Variants in MYO1H observed in about 807,000 individuals in gnomAD.
The protein encoded by MYO1H is myosin IH, also known as unconventional myosin-Ih.
A neutral mutation model predicts 149.3 loss-of-function variants in MYO1H; 118 were observed. The observed-to-expected ratio is 0.79, with a 90% CI of 0.68 to 0.92. The LOEUF (loss-of-function observed/expected upper bound fraction) is 0.92. MYO1H is among the 40% of genes least tolerant of loss of function. The pLI is 0.00. For missense variants in MYO1H, 1,212 were observed against 1,280.7 expected, an observed-to-expected ratio of 0.95 and a Z score of 0.82; for synonymous variants, 447 against 465.2, an observed-to-expected ratio of 0.96 and a Z score of 0.50.
intron 16 of MYO1H, among the ~76,000 whole-genome samples, chr12:109,421,696 G>A (rs1254690699): frequency 6.6e-6 from 1 of 152,150 alleles, no homozygotes; most frequent in East Asian, 1.9e-4. Context: ...GACCCAGACA[G>A]GTCACAGCTT....
chr12:109,441,065 GCCATCCAT>G (rs1316948084), intron 25 of MYO1H, among the ~76,000 whole-genome samples: 4 of 152,244 alleles, frequency 2.6e-5, no homozygotes, highest in African/African-American at 7.2e-5. Flanking sequence ...AACGGCTCCT[GCCATCCAT>G]CCACCGGAGC....
chr12:109,447,014 T>C (rs2135619073), intron 31 of MYO1H, 145 bp from the exon 32 acceptor site: 2 of 778,836 alleles, frequency 2.6e-6, no homozygotes, highest in Middle Eastern at 6.9e-4. Context: ...TTTCTAAGTC[T>C]GGCTTGTCTC....
At chr12:109,404,225 T>A (rs906604068) in intron 7 of MYO1H, 145 bp downstream of exon 7, 1 of 648,828 alleles carries the variant, frequency 1.5e-6, no homozygotes, top group African/African-American at 1.8e-5. Flanking sequence ...CACCTGTAAT[T>A]CCAGCATTTT....
intron 5 of MYO1H, among the ~76,000 whole-genome samples, chr12:109,398,632 C>A (rs190845438): frequency 6.6e-6 from 1 of 151,200 alleles, no homozygotes; most frequent in Non-Finnish European, 1.5e-5. Flanking sequence ...CGACTGTAAT[C>A]CCAGCTACTC....
the MYO1H span, among the ~76,000 whole-genome samples, chr12:109,319,037 G>A: frequency 8.0e-6 from 1 of 125,178 alleles, no homozygotes; most frequent in Non-Finnish European, 1.6e-5. Flanking sequence ...ACCAAAAAGT[G>A]TATTTAATCA....
chr12:109,393,668 T>C (rs1051580285), intron 3 of MYO1H, among the ~76,000 whole-genome samples: 5 of 151,920 alleles, frequency 3.3e-5, no homozygotes, highest in Non-Finnish European at 7.4e-5. Context: ...TCCATTTACC[T>C]ATCCATCCAC....
At chr12:109,371,209 C>CT (rs1195498832) in intron 1 of MYO1H, among the ~76,000 whole-genome samples, 2 of 121,550 alleles carry the variant, frequency 1.6e-5, no homozygotes, top group African/African-American at 2.9e-5. Flanking sequence ...TCTTTTTTTT[C>CT]TTTCTTTTTT....
intron 14 of MYO1H, among the ~76,000 whole-genome samples, chr12:109,413,045 C>T (rs1161087531): frequency 1.3e-5 from 2 of 152,012 alleles, no homozygotes; most frequent in Non-Finnish European, 2.9e-5. Context: ...AGGGCGATCT[C>T]GGCTCACTGC....
chr12:109,383,562 T>C (rs187763225), intron 1 of MYO1H, among the ~76,000 whole-genome samples: 30 of 152,342 alleles, frequency 2.0e-4, no homozygotes, highest in Middle Eastern at 3.4e-3. Context: ...GGCTCAGGAA[T>C]CCAGGCTGTT....
the MYO1H span, among the ~76,000 whole-genome samples, chr12:109,334,049 CTT>C: frequency 6.6e-6 from 1 of 152,060 alleles, no homozygotes; most frequent in East Asian, 1.9e-4. Flanking sequence ...CAGAGTCTCA[CTT>C]TGTCGCCCAG....
At chr12:109,394,206 G>T (rs1869796187) in intron 3 of MYO1H, among the ~76,000 whole-genome samples, 1 of 152,148 alleles carries the variant, frequency 6.6e-6, no homozygotes, top group African/African-American at 2.4e-5. Flanking sequence ...CCTGAACTCA[G>T]ATCTCTTGTC....
In MYO1H at chr12:109,406,861, G is replaced by A; in HGVS notation, c.1035+1G>A. On this transcript the variant is annotated splice_donor_variant, in intron 9 of 31. Coordinates refer to ENST00000310903, the Ensembl canonical transcript of MYO1H. LOFTEE classifies it high-confidence loss of function. The stretch of plus-strand genomic sequence containing the variant: ...AAAAATTGAAGCCAAAACTGAGGAG[G>A]TAAAAATGGCTATAGGTGGAAATGT... The A allele has an allele frequency of 6.2e-7, 1 of 1,613,546 alleles. No homozygotes were observed. Among genetic ancestry groups the A allele is most frequent in the Non-Finnish European group, 8.5e-7 (1 of 1,179,544 alleles).
At chr12:109,406,304 A>G (rs1165311879) in intron 8 of MYO1H, among the ~76,000 whole-genome samples, 1 of 151,910 alleles carries the variant, frequency 6.6e-6, no homozygotes, top group Non-Finnish European at 1.5e-5. Context: ...TGAACTCTTT[A>G]TAAGTTAGTG....
At chr12:109,428,749 C>A (rs550187983) in intron 19 of MYO1H, among the ~76,000 whole-genome samples, 1 of 152,288 alleles carries the variant, frequency 6.6e-6, no homozygotes, top group East Asian at 1.9e-4. Flanking sequence ...ATCTTCATCC[C>A]AAATCTGACT....
At chr12:109,421,422 T>A (rs1263105899) in intron 16 of MYO1H, among the ~76,000 whole-genome samples, 6 of 152,348 alleles carry the variant, frequency 3.9e-5, no homozygotes, top group Admixed American at 3.3e-4. Flanking sequence ...GGGACATTTT[T>A]AATTTAGGTG....
At chr12:109,373,806 TC>T (rs1290140338) in intron 1 of MYO1H, among the ~76,000 whole-genome samples, 5 of 152,192 alleles carry the variant, frequency 3.3e-5, no homozygotes, top group African/African-American at 1.2e-4. Context: ...CCCTTGGTTT[TC>T]TTTGTTGTTT....
chr12:109,425,572 TAAAG>T (rs1393690832), intron 17 of MYO1H, among the ~76,000 whole-genome samples: 2 of 151,812 alleles, frequency 1.3e-5, no homozygotes, highest in Non-Finnish European at 2.9e-5. Flanking sequence ...TACCATCAAA[TAAAG>T]AAGTTATAAT....
chr12:109,406,618 C>T (rs1194649025), intron 8 of MYO1H, among the ~76,000 whole-genome samples, 171 bp from the exon 9 acceptor site: 8 of 152,160 alleles, frequency 5.3e-5, no homozygotes, highest in Admixed American at 1.3e-4. Context: ...CCACTGCACT[C>T]CAGCCTGGAT....
exon 15 of MYO1H, chr12:109,415,551 C>G: frequency 6.2e-7 from 1 of 1,607,684 alleles, no homozygotes; most frequent in African/African-American, 1.3e-5. Flanking sequence ...TCCAAAGGGC[C>G]GAAAGAGGAT....
Sources: allele counts gnomAD v4.1 joint callset (sites outside exome capture counted in the v4.1 genomes callset), GRCh38; gene constraint gnomAD v4.1.1; transcripts MANE v1.5; gene names NCBI Gene and HGNC (gene_info 2026-07-23, HGNC 2026-07-21).